The following MADD variants were observed in gnomAD, a reference collection of about 807,000 sequenced individuals.
The protein encoded by MADD is MAP kinase-activating death domain protein.
In MADD, 109 loss-of-function variants were observed where a neutral mutation model predicts 176.7. The ratio of observed to expected loss-of-function variants is 0.62; its 90% CI spans 0.53 to 0.72. The LOEUF is 0.72. MADD is among the 30% of genes least tolerant of loss of function. MADD has a pLI of 0.00. For missense variants in MADD, 1,914 were observed against 2,045.5 expected (o/e 0.94, Z 1.24); for synonymous variants, 771 against 771.3 (o/e 1.00, Z 0.01).
chr11:47,308,328 G>GATAACA (rs1287237290), intron 22 of MADD, among the ~76,000 whole-genome samples: 6 of 152,226 alleles, frequency 3.9e-5, no homozygotes, highest in African/African-American at 1.4e-4. Flanking sequence ...GAATTAATCT[G>GATAACA]ATTGTTGTTT....
intron 18 of MADD, 61 bp downstream of exon 19, chr11:47,290,360 A>G (rs1424403996): frequency 3.2e-5 from 51 of 1,584,380 alleles, no homozygotes; most frequent in Non-Finnish European, 4.4e-5. Context: ...TCTCCTGAAG[A>G]GAAAATATAT....
intron 32 of MADD, 91 bp downstream of exon 36, chr11:47,328,795 A>C (rs1186694069): frequency 1.9e-6 from 3 of 1,545,518 alleles, no homozygotes. Flanking sequence ...CTCTGAGCGC[A>C]CAGGGGTGAG....
intron 22 of MADD, among the ~76,000 whole-genome samples, chr11:47,298,150 G>T (rs897993531): frequency 6.6e-6 from 1 of 152,114 alleles, no homozygotes; most frequent in Non-Finnish European, 1.5e-5. Flanking sequence ...AAATTAAATT[G>T]GCAACGGGGC....
Position 47,284,668 on chromosome 11 carries a change from A to G in MADD, c.2157+103A>G, listed in dbSNP as rs1164235972. 4.2e-6 allele frequency: 6 copies of G among 1,424,030 alleles called. No homozygotes were observed. In the African/African-American group the frequency reaches 7.2e-5, roughly 17 times the overall value. The allele number at this position is 1,424,030 out of a possible 1,614,324, so 88.2% of individuals were successfully genotyped here. On this transcript the variant is annotated intron_variant, in intron 12 of 32. Coordinates refer to ENST00000402192, the Ensembl canonical transcript of MADD. ...CTATTCATTTGCTGCTTCTCACACA[A>G]TTTTCTCATCTTCCTCTTCATGGGC... is the stretch of plus-strand genomic sequence containing the variant.
exon 4 of MADD, chr11:47,275,999 T>C (rs770033619): frequency 6.8e-6 from 11 of 1,614,180 alleles, no homozygotes; most frequent in Admixed American, 6.7e-5. Context: ...GATCTATCGA[T>C]TGCTGCGCTC....
chr11:47,294,370 TA>T (rs1241003208), intron 20 of MADD, among the ~76,000 whole-genome samples: 15 of 107,158 alleles, frequency 1.4e-4, no homozygotes, highest in Admixed American at 1.4e-3. Flanking sequence ...AAAATAAAAA[TA>T]AAAATAAAAT....
intron 27 of MADD, among the ~76,000 whole-genome samples, chr11:47,317,797 GTCTC>G (rs1167609835): frequency 5.3e-5 from 8 of 150,434 alleles, no homozygotes; most frequent in African/African-American, 9.8e-5. Flanking sequence ...TTGAGACAGA[GTCTC>G]TCTCTATCGC....
At chr11:47,270,167 G>GCGCCGCGCTGGGGAGCGACTGA (rs1451252021) in exon 1 of MADD, 3 of 152,142 alleles carry the variant, frequency 2.0e-5, no homozygotes, top group Non-Finnish European at 4.4e-5. Flanking sequence ...GCTCGGAGCG[G>GCGCCGCGCTGGGGAGCGACTGA]CGCCGCGCTG....
intron 25 of MADD, among the ~76,000 whole-genome samples, chr11:47,309,876 C>CTGTCACCCA (rs750757150): frequency 4.1e-4 from 59 of 142,930 alleles, no homozygotes; most frequent in Non-Finnish European, 8.4e-4. Flanking sequence ...GAGTCTTGCT[C>CTGTCACCCA]TGTCACCCAG....
At chr11:47,285,566 T>TTCGGGGGCA in exon 14 of MADD, 2 of 1,614,130 alleles carry the variant, frequency 1.2e-6, no homozygotes, top group Non-Finnish European at 1.7e-6. Context: ...CACCGAGGGC[T>TTCGGGGGCA]TCGGGGGCAT....
At chr11:47,281,992 G>A (rs1050174025) in intron 8 of MADD, among the ~76,000 whole-genome samples, 6 of 151,662 alleles carry the variant, frequency 4.0e-5, no homozygotes, top group Admixed American at 1.3e-4. Flanking sequence ...CTGCCACCAC[G>A]CCTGGCTAAT....
At chr11:47,317,186 A>G (rs959315348) in intron 27 of MADD, among the ~76,000 whole-genome samples, 1 of 152,140 alleles carries the variant, frequency 6.6e-6, no homozygotes, top group Non-Finnish European at 1.5e-5. Flanking sequence ...CATGTATTCC[A>G]CTGTGTGACT....
intron 15 of MADD, 37 bp downstream of exon 15, chr11:47,286,571 C>G (rs1451581770): frequency 6.6e-7 from 1 of 1,518,732 alleles, no homozygotes. Flanking sequence ...CCAGGTTTCT[C>G]CGGGAGATGT....
At chr11:47,302,364 C>T (rs1301995949) in intron 22 of MADD, among the ~76,000 whole-genome samples, 2 of 152,166 alleles carry the variant, frequency 1.3e-5, no homozygotes, top group Non-Finnish European at 2.9e-5. Context: ...CAGGTGTCTG[C>T]TGCCATGCCC....
chr11:47,309,659 A>G (rs1231252462), intron 25 of MADD, 47 bp downstream of exon 28: 1 of 1,452,528 alleles, frequency 6.9e-7, no homozygotes, highest in South Asian at 1.1e-5. Flanking sequence ...CTAGAGGGGC[A>G]AGGCTTGTTC....
Position 47,311,716 on chromosome 11 carries a change from T to C in MADD, c.3979-16T>C, listed in dbSNP as rs1190413576. 18 of 1,501,508 alleles carry C rather than the reference T, an allele frequency of 1.2e-5. No individual in the cohort carries two copies. The highest frequency in any genetic ancestry group is 1.7e-5 in the Non-Finnish European group (18 of 1,077,244). 93.0% of individuals were successfully genotyped at this position (1,501,508 alleles called of 1,614,324 possible). A position where few individuals can be genotyped will look rare whatever the true frequency, so the allele number is the denominator to read the frequency against. ...AGAGCAGATCCCTTGTTAAGAGTCA[T>C]GTGTTGGCTTTTCAGGTAAATAAGA... On this transcript the variant is annotated splice_polypyrimidine_tract_variant and intron_variant, in intron 25 of 32. Coordinates refer to ENST00000402192, the Ensembl canonical transcript of MADD.
intron 19 of MADD, among the ~76,000 whole-genome samples, chr11:47,293,304 C>CTTTTT (rs796151719): frequency 7.2e-6 from 1 of 138,920 alleles, no homozygotes; most frequent in African/African-American, 2.6e-5. Flanking sequence ...TGGAGCTTTT[C>CTTTTT]TTTTTTTTTT....
intron 28 of MADD, 80 bp from the exon 32 acceptor site, chr11:47,324,185 C>A: frequency 7.7e-7 from 1 of 1,302,602 alleles, no homozygotes; most frequent in Non-Finnish European, 1.1e-6. Context: ...AACCTCCAGC[C>A]TTCAGTGGCC....
exon 18 of MADD, chr11:47,290,252 G>C (rs1260299500): frequency 3.1e-6 from 5 of 1,614,038 alleles, no homozygotes; most frequent in African/African-American, 2.7e-5. Flanking sequence ...GGCATGGCCA[G>C]CATCTTTGGG....
Sources: allele counts gnomAD v4.1 joint callset (sites outside exome capture counted in the v4.1 genomes callset), GRCh38; gene constraint gnomAD v4.1.1; transcripts MANE v1.5; gene names NCBI Gene and HGNC (gene_info 2026-07-23, HGNC 2026-07-21).